Variants in BMX observed in about 807,000 individuals in gnomAD.
BMX encodes the protein BMX non-receptor tyrosine kinase.
BMX carries 31 observed loss-of-function variants against 59.2 expected under a neutral mutation model. The ratio of observed to expected loss-of-function variants is 0.52; its 90% CI spans 0.39 to 0.71. The LOEUF is 0.71. BMX is among the 30% of genes least tolerant of loss of function. BMX has a pLI of 0.00. For synonymous variants in BMX, 185 were observed against 181.0 expected (o/e 1.02, Z -0.18); for missense variants, 474 against 491.7 (o/e 0.96, Z 0.34).
chrX:15,533,808 C>T (rs1463657655), intron 11 of BMX, among the ~76,000 whole-genome samples: 1 of 111,492 alleles, frequency 9.0e-6, no homozygotes, highest in Non-Finnish European at 1.9e-5. Flanking sequence ...GCCTAATCAC[C>T]TTTACCTCTC....
intron 4 of BMX, among the ~76,000 whole-genome samples, chrX:15,512,063 T>C (rs888621306): frequency 8.9e-6 from 1 of 112,158 alleles, no homozygotes; most frequent in Admixed American, 9.5e-5. Context: ...CTGTCATAGA[T>C]ACAGTAACGA....
chrX:15,527,286 A>G (rs1924833666), intron 9 of BMX, among the ~76,000 whole-genome samples: 1 of 87,693 alleles, frequency 1.1e-5, no homozygotes, highest in Admixed American at 1.2e-4. Flanking sequence ...ATATATATAC[A>G]CACACACACA....
intron 13 of BMX, 75 bp downstream of exon 13, chrX:15,536,502 C>CAAAA: frequency 1.6e-6 from 1 of 628,121 alleles, no homozygotes; most frequent in Non-Finnish European, 2.2e-6. Context: ...AATTTACTGG[C>CAAAA]AAAAAAAAAA....
chrX:15,505,723 G>C (rs1197560589), intron 1 of BMX, among the ~76,000 whole-genome samples: 1 of 111,120 alleles, frequency 9.0e-6, no homozygotes, highest in Non-Finnish European at 1.9e-5. Flanking sequence ...TAAACCCTTG[G>C]AGGTTTACTG....
chrX:15,543,793 A>C (rs1925814074), intron 16 of BMX, among the ~76,000 whole-genome samples: 2 of 111,822 alleles, frequency 1.8e-5, no homozygotes, highest in South Asian at 7.5e-4. Flanking sequence ...CCACTTAATG[A>C]TGTGGAACAA....
In BMX at chrX:15,500,973, C is replaced by T; in HGVS notation, c.-10+33C>T. The T allele has an allele frequency of 1.6e-5, 12 of 753,664 alleles. No individual in the cohort carries two copies. In the South Asian group the frequency reaches 2.7e-4, roughly 17 times the overall value. The allele number at this position is 753,664 out of a possible 1,213,427, so 62.1% of individuals were successfully genotyped here. A position where few individuals can be genotyped will look rare whatever the true frequency, so the allele number is the denominator to read the frequency against. On this transcript the variant is annotated intron_variant, in intron 1 of 18. Transcript: ENST00000348343. ...TAAGCGGCAGGTGGCTACTCAGTGT[C>T]GCATACTATGCGGAAAATAGGTTTG... is the stretch of plus-strand genomic sequence containing the variant.
intron 4 of BMX, among the ~76,000 whole-genome samples, chrX:15,512,177 G>A (rs1923985687): frequency 9.0e-6 from 1 of 111,179 alleles, no homozygotes. Context: ...TGATGTTTAG[G>A]CCGCCCTGGT....
intron 14 of BMX, among the ~76,000 whole-genome samples, chrX:15,540,772 T>C (rs1033047116): frequency 9.0e-6 from 1 of 111,481 alleles, no homozygotes; most frequent in African/African-American, 3.3e-5. Context: ...GTTTGTACAA[T>C]GGATCACTCA....
chrX:15,509,395 G>T lies in BMX; in HGVS notation c.205G>T (p.Glu69Ter). 8.3e-7 allele frequency: 1 copy of T among 1,207,512 alleles called. No homozygotes were observed. The highest frequency in any genetic ancestry group is 2.3e-4 in the Middle Eastern group (1 of 4,332). ...CAGATGTGTGGAGAAAGTAAATCTC[G>T]AGGAGCAGACGCCTGTAGAGAGACA... ...KIRCVEKVNL[E>*]EQTPVERQYP... The change falls in exon 3 of 19, where the codon GAG (glutamate) becomes TAG (stop). Residue 69 changes from glutamate to a stop codon, truncating the protein, a stop_gained. Transcript: ENST00000348343. LOFTEE classifies it high-confidence loss of function.
At chrX:15,515,943 T>G (rs1285761115) in intron 4 of BMX, among the ~76,000 whole-genome samples, 169 bp from the exon 5 acceptor site, 2 of 112,571 alleles carry the variant, frequency 1.8e-5, no homozygotes, top group East Asian at 5.6e-4. Flanking sequence ...TCTTTTTGGC[T>G]TATTAACTGT....
chrX:15,517,831 C>T, intron 5 of BMX, 98 bp from the exon 6 acceptor site: 1 of 723,025 alleles, frequency 1.4e-6, no homozygotes, highest in Admixed American at 2.7e-5. Flanking sequence ...TGGAGTATTG[C>T]TCACACAAGC....
intron 14 of BMX, among the ~76,000 whole-genome samples, chrX:15,541,179 T>C (rs1457405866): frequency 8.9e-6 from 1 of 111,811 alleles, no homozygotes; most frequent in Non-Finnish European, 1.9e-5. Flanking sequence ...TGATATTACT[T>C]AAATTAATAA....
Position 15,512,588 on chromosome X carries a change from A to G in BMX, c.325+1070A>G, listed in dbSNP as rs1186707004. Among the ~76,000 whole-genome samples, 4 of 111,171 alleles carry G rather than the reference A, an allele frequency of 3.6e-5. No homozygotes were observed. In the East Asian group the frequency reaches 1.1e-3, roughly 31 times the overall value. On this transcript the variant is annotated intron_variant, in intron 4 of 18. Coordinates refer to ENST00000348343, the MANE Select transcript of BMX (RefSeq NM_203281.3). ...CCAGCTCATTGAAATGAGAAAGACA[A>G]CCCCTCTAGAGTTAGACACACCTGC...
chrX:15,522,199 T>TTTCCTTCCTCCC lies in BMX; in HGVS notation c.511-141_511-130dup, dbSNP rs1924489959. 11 of 790,890 alleles carry TTTCCTTCCTCCC rather than the reference T, an allele frequency of 1.4e-5. 1 individual carries two copies. The South Asian group carries it at 2.9e-4, about 21-fold the overall frequency. 65.2% of individuals were successfully genotyped at this position (790,890 alleles called of 1,213,427 possible). Reference sequence around the variant, plus strand: ...CATACCTTTCTTCTTTCCTTGCCTCTTTCCTTCCTCCCTTCCTCCCTCCCT... The same window carrying TTTCCTTCCTCCC: ...CATACCTTTCTTCTTTCCTTGCCTCTTTCCTTCCTCCCTTCCTTCCTCCCTTCCTCCCTCCCT... On this transcript the variant is annotated intron_variant, in intron 6 of 18. Coordinates refer to ENST00000348343, the MANE Select transcript of BMX (RefSeq NM_203281.3).
At chrX:15,531,535 T>C (rs1002913575) in intron 11 of BMX, 128 bp downstream of exon 11, 15 of 587,086 alleles carry the variant, frequency 2.6e-5, no homozygotes, top group African/African-American at 1.8e-4. Flanking sequence ...GTATTTCTAT[T>C]GAATGTGACC....
intron 9 of BMX, among the ~76,000 whole-genome samples, chrX:15,529,079 C>G (rs1420809647): frequency 9.0e-6 from 1 of 111,602 alleles, no homozygotes; most frequent in Admixed American, 9.5e-5. Context: ...TAGGGAAGTC[C>G]AAGGTCAAAC....
chrX:15,526,441 A>G (rs769222555), intron 9 of BMX, among the ~76,000 whole-genome samples: 65 of 112,098 alleles, frequency 5.8e-4, no homozygotes, highest in African/African-American at 1.4e-3. Flanking sequence ...AATTAAGGTG[A>G]TGTTTGAAAG....
At position 15,542,142 on chromosome X, in the gene BMX, G is replaced by A. The variant is rs1323399158; in HGVS notation, c.1555G>A (p.Asp519Asn). The change falls in exon 15 of 19, where the codon GAT becomes AAT. Residue 519 changes from aspartate (D) to asparagine (N), a missense_variant. Physicochemically the swap from Asp to Asn is conservative, Grantham distance 23. Coordinates refer to ENST00000348343, the MANE Select transcript of BMX (RefSeq NM_203281.3). ...EPSQLLEMCY[D>N]VCEGMAFLES... ...TTCCCAGCTCTTAGAAATGTGCTAC[G>A]ATGTCTGTGAAGGCATGGCCTTCTT... 3 of 1,209,664 alleles carry A rather than the reference G, an allele frequency of 2.5e-6. No homozygotes were observed. Among genetic ancestry groups the A allele is most frequent in the Middle Eastern group, 2.3e-4 (1 of 4,350 alleles).
Position 15,509,403 on chromosome X carries a change from G to C in BMX, c.213G>C (p.Gln71His). Residue 71 changes from glutamine (Q) to histidine (H), a missense_variant, in exon 3 of 19, where the codon CAG becomes CAC. By Grantham distance (24) the Gln-to-His change is conservative (BLOSUM62 0). Transcript: ENST00000348343. Reference sequence around the variant, plus strand: ...TGGAGAAAGTAAATCTCGAGGAGCAGACGCCTGTAGAGAGACAGTACCCAT... The same window carrying C: ...TGGAGAAAGTAAATCTCGAGGAGCACACGCCTGTAGAGAGACAGTACCCAT... ...RCVEKVNLEEQTPVERQYPFQ... is the reference protein window; with the variant it reads ...RCVEKVNLEEHTPVERQYPFQ... 8.3e-7 allele frequency: 1 copy of C among 1,205,842 alleles called. No individual in the cohort carries two copies. Among genetic ancestry groups the C allele is most frequent in the Non-Finnish European group, 1.1e-6 (1 of 891,513 alleles).
Sources: allele counts gnomAD v4.1 joint callset (sites outside exome capture counted in the v4.1 genomes callset), GRCh38; gene constraint gnomAD v4.1.1; transcripts MANE v1.5; gene names NCBI Gene and HGNC (gene_info 2026-07-23, HGNC 2026-07-21).